Variants in PTPRR observed in about 807,000 individuals in gnomAD.
PTPRR encodes receptor-type tyrosine-protein phosphatase R.
A neutral mutation model predicts 77.2 loss-of-function variants in PTPRR; 38 were observed. The ratio of observed to expected loss-of-function variants is 0.49; its 90% CI spans 0.38 to 0.65. The LOEUF (loss-of-function observed/expected upper bound fraction) is 0.65, where lower values mean the gene tolerates loss of function less well. Ranked by LOEUF, PTPRR falls within the 30% of genes least tolerant of loss-of-function variation. The pLI is 0.00. For synonymous variants in PTPRR, 299 were observed against 283.1 expected (o/e 1.06, Z -0.57); for missense variants, 744 against 799.2 (o/e 0.93, Z 0.83).
chr12:70,864,882 A>C (rs1463087560), intron 2 of PTPRR, among the ~76,000 whole-genome samples: 1 of 151,956 alleles, frequency 6.6e-6, no homozygotes. Context: ...TGGGATCTCC[A>C]CTCACTGCAA....
intron 2 of PTPRR, among the ~76,000 whole-genome samples, chr12:70,781,350 A>G (rs779708772): frequency 2.4e-4 from 37 of 152,212 alleles, no homozygotes; most frequent in Non-Finnish European, 3.4e-4. Context: ...GAGGTTCCAA[A>G]AGAGGTTTCT....
At chr12:70,842,988 C>CT (rs1421015902) in intron 2 of PTPRR, among the ~76,000 whole-genome samples, 1 of 152,130 alleles carries the variant, frequency 6.6e-6, no homozygotes, top group Non-Finnish European at 1.5e-5. Context: ...ACTTAGATAT[C>CT]TTAAGAAGCT....
chr12:70,738,917 C>T (rs1889960897), intron 6 of PTPRR, among the ~76,000 whole-genome samples: 1 of 152,176 alleles, frequency 6.6e-6, no homozygotes, highest in South Asian at 2.1e-4. Flanking sequence ...GTGGTAGTTA[C>T]AGAGCAAGTG....
chr12:70,870,110 C>T (rs1012143356), intron 2 of PTPRR, among the ~76,000 whole-genome samples: 1 of 152,130 alleles, frequency 6.6e-6, no homozygotes, highest in Non-Finnish European at 1.5e-5. Context: ...TTAGAAGGCC[C>T]TCAGCCTTCT....
At chr12:70,890,286 T>A (rs1387598628) in intron 2 of PTPRR, among the ~76,000 whole-genome samples, 1 of 152,162 alleles carries the variant, frequency 6.6e-6, no homozygotes, top group Admixed American at 6.6e-5. Flanking sequence ...ATTCTAATTG[T>A]GTTGTACTCT....
chr12:70,818,578 T>TATGATTTCAATA (rs370923978), intron 2 of PTPRR, among the ~76,000 whole-genome samples: 8 of 152,198 alleles, frequency 5.3e-5, no homozygotes, highest in African/African-American at 1.9e-4. Context: ...ATGAGGCTAA[T>TATGATTTCAATA]ATGATTGAAA....
chr12:70,701,116 A>G (rs1184109611), intron 7 of PTPRR, 21 bp downstream of exon 7: 2 of 1,613,196 alleles, frequency 1.2e-6, no homozygotes, highest in Non-Finnish European at 1.7e-6. Context: ...CTGAAGAGTG[A>G]ACAATAAATA....
chr12:70,732,105 A>T (rs143590340), intron 6 of PTPRR, among the ~76,000 whole-genome samples: 1 of 152,378 alleles, frequency 6.6e-6, no homozygotes, highest in East Asian at 1.9e-4. Context: ...TGAAGGATCC[A>T]CATCTGAGGT....
At chr12:70,827,551 T>TC (rs981987317) in intron 2 of PTPRR, among the ~76,000 whole-genome samples, 2 of 150,738 alleles carry the variant, frequency 1.3e-5, no homozygotes, top group Admixed American at 1.3e-4. Context: ...TTTCTTTCTT[T>TC]TTTTTTTTCT....
At chr12:70,782,545 T>C (rs1891225478) in intron 2 of PTPRR, among the ~76,000 whole-genome samples, 1 of 152,094 alleles carries the variant, frequency 6.6e-6, no homozygotes, top group African/African-American at 2.4e-5. Flanking sequence ...TGTAGGGACA[T>C]GGATGAAGCT....
chr12:70,796,192 G>C (rs1023233313), intron 2 of PTPRR, among the ~76,000 whole-genome samples: 14 of 152,046 alleles, frequency 9.2e-5, no homozygotes, highest in East Asian at 1.9e-4. Flanking sequence ...CCAAAGTGCT[G>C]GGATTATAGG....
At chr12:70,690,885 T>G (rs1888032020) in intron 8 of PTPRR, among the ~76,000 whole-genome samples, 1 of 152,208 alleles carries the variant, frequency 6.6e-6, no homozygotes, top group African/African-American at 2.4e-5. Flanking sequence ...CTCTTTATGA[T>G]TTCTTTGACC....
intron 1 of PTPRR, among the ~76,000 whole-genome samples, chr12:70,917,469 C>G (rs531385051): frequency 9.2e-5 from 14 of 152,210 alleles, no homozygotes; most frequent in African/African-American, 3.4e-4. Context: ...GGACAATAAC[C>G]ACAACTTCCT....
At chr12:70,659,244 G>A (rs527403263) in intron 12 of PTPRR, among the ~76,000 whole-genome samples, 3 of 152,166 alleles carry the variant, frequency 2.0e-5, no homozygotes, top group South Asian at 2.1e-4. Context: ...AAGGTGAGAC[G>A]GAGAAAGGGC....
chr12:70,717,203 T>C (rs559724942), intron 6 of PTPRR, among the ~76,000 whole-genome samples: 2 of 152,326 alleles, frequency 1.3e-5, no homozygotes, highest in African/African-American at 2.4e-5. Context: ...TAATTTCTGA[T>C]ACTCAATAAT....
chr12:70,860,803 A>G (rs1892739832), intron 2 of PTPRR, among the ~76,000 whole-genome samples: 1 of 152,156 alleles, frequency 6.6e-6, no homozygotes, highest in South Asian at 2.1e-4. Context: ...AATGTACTGG[A>G]TGTTTGAATT....
chr12:70,908,337 C>A (rs1409660590), intron 1 of PTPRR, among the ~76,000 whole-genome samples: 1 of 152,030 alleles, frequency 6.6e-6, no homozygotes. Flanking sequence ...AAAGACATAC[C>A]AGAGACTGGG....
intron 13 of PTPRR, chr12:70,639,501 C>T: frequency 7.8e-7 from 1 of 1,274,994 alleles, no homozygotes; most frequent in East Asian, 3.5e-5. Context: ...ACACACTAGG[C>T]ACGTGATTAA....
intron 2 of PTPRR, among the ~76,000 whole-genome samples, chr12:70,810,805 C>G (rs754882668): frequency 3.9e-5 from 6 of 152,256 alleles, no homozygotes; most frequent in Non-Finnish European, 8.8e-5. Flanking sequence ...ATATGTCTAT[C>G]TTTCACAGAA....
Sources: gnomAD v4.1 joint callset for allele counts (sites outside exome capture counted in the v4.1 genomes callset) on GRCh38, gnomAD v4.1.1 for gene constraint, MANE v1.5 for transcripts, NCBI Gene and HGNC (gene_info 2026-07-23, HGNC 2026-07-21) for gene names.